The following GCNT2 variants were observed in gnomAD, a reference collection of about 807,000 sequenced individuals.
The protein encoded by GCNT2 is N-acetyllactosaminide beta-1,6-N-acetylglucosaminyl-transferase.
In GCNT2, 34 loss-of-function variants were observed where a neutral mutation model predicts 34.2. The observed-to-expected ratio is 1.00, with a 90% CI of 0.76 to 1.32. The LOEUF is 1.32. Among genes scored for constraint, GCNT2 ranks in the 40% most tolerant of loss-of-function variants. The pLI, the probability that GCNT2 is intolerant of heterozygous loss-of-function variation, is 0.00. For synonymous variants in GCNT2, 212 were observed against 188.0 expected (o/e 1.13, Z -1.04); for missense variants, 584 against 489.4 (o/e 1.19, Z -1.82).
At chr6:10,556,310 A>G in intron 3 of GCNT2, 2 of 1,559,734 alleles carry the variant, frequency 1.3e-6, no homozygotes, top group Non-Finnish European at 1.7e-6. Context: ...CGTCTCCAAC[A>G]GGGCAGGAGT....
chr6:10,547,085 T>C (rs1216226304), intron 3 of GCNT2, among the ~76,000 whole-genome samples: 2 of 152,196 alleles, frequency 1.3e-5, no homozygotes, highest in African/African-American at 4.8e-5. Flanking sequence ...AAGAATAGTA[T>C]AAAGAGCTCC....
At chr6:10,527,920 A>G (rs1390678153) in intron 2 of GCNT2, among the ~76,000 whole-genome samples, 1 of 152,140 alleles carries the variant, frequency 6.6e-6, no homozygotes, top group Non-Finnish European at 1.5e-5. Context: ...TGGACATAAG[A>G]GCCTCTCTCC....
At chr6:10,525,810 C>T (rs1024005893) in intron 1 of GCNT2, among the ~76,000 whole-genome samples, 1 of 152,092 alleles carries the variant, frequency 6.6e-6, no homozygotes, top group Admixed American at 6.5e-5. Context: ...TGTTCGTTAC[C>T]CTGCAACTAA....
intron 3 of GCNT2, among the ~76,000 whole-genome samples, chr6:10,575,892 CTG>C (rs1366658475): frequency 6.6e-6 from 1 of 151,990 alleles, no homozygotes; most frequent in Non-Finnish European, 1.5e-5. Flanking sequence ...CCCCCTTTGA[CTG>C]TAATTTTCCT....
intron 3 of GCNT2, chr6:10,556,042 G>A: frequency 8.7e-7 from 1 of 1,145,144 alleles, no homozygotes; most frequent in East Asian, 6.8e-5. Flanking sequence ...TAACCAGGGG[G>A]CGGGGGTGGC....
rs886667367 is a variant in GCNT2, at chr6:10,550,734, G to A, written c.925+20898G>A. 9.9e-5 allele frequency among the ~76,000 whole-genome samples: 15 copies of A among 151,918 alleles called. 1 individual carries two copies. The highest frequency in any genetic ancestry group is 2.1e-4 in the South Asian group (1 of 4,814). ...CTGGGCTCAAGTAATCCTCTCCCTC[G>A]GCCTCCCAAAAGTGCTGGGATTGTA... On this transcript the variant is annotated intron_variant, in intron 3 of 4. Transcript: ENST00000495262.
chr6:10,542,123 G>A (rs889754424), intron 3 of GCNT2, among the ~76,000 whole-genome samples: 1 of 152,098 alleles, frequency 6.6e-6, no homozygotes, highest in Non-Finnish European at 1.5e-5. Flanking sequence ...GACCTGCAAT[G>A]TAAAATTTAA....
At chr6:10,551,819 G>A (rs548792143) in intron 3 of GCNT2, among the ~76,000 whole-genome samples, 13 of 151,706 alleles carry the variant, frequency 8.6e-5, no homozygotes, top group African/African-American at 2.4e-4. Flanking sequence ...GTGCAGTGGC[G>A]CCACCTCGGC....
At chr6:10,525,138 A>G (rs1016155771) in intron 1 of GCNT2, among the ~76,000 whole-genome samples, 1 of 152,170 alleles carries the variant, frequency 6.6e-6, no homozygotes, top group Non-Finnish European at 1.5e-5. Flanking sequence ...CTCTTTCTAC[A>G]GTCAGTTATT....
chr6:10,577,231 G>A (rs1242710414), intron 3 of GCNT2, among the ~76,000 whole-genome samples: 2 of 152,384 alleles, frequency 1.3e-5, no homozygotes, highest in Admixed American at 1.3e-4. Flanking sequence ...GGGGGCTGCT[G>A]TGCAGTGTGA....
intron 3 of GCNT2, among the ~76,000 whole-genome samples, chr6:10,580,725 G>A (rs1316597012): frequency 6.6e-6 from 1 of 152,174 alleles, no homozygotes; most frequent in Non-Finnish European, 1.5e-5. Context: ...CCCCTGACCG[G>A]CATCTGCCTC....
intron 3 of GCNT2, among the ~76,000 whole-genome samples, chr6:10,603,661 G>A (rs1315388810): frequency 2.7e-5 from 4 of 150,450 alleles, no homozygotes; most frequent in African/African-American, 7.3e-5. Flanking sequence ...GACTGCAGGC[G>A]CCTGCCACCA....
chr6:10,572,666 G>A (rs1436212944), intron 3 of GCNT2, among the ~76,000 whole-genome samples: 1 of 152,070 alleles, frequency 6.6e-6, no homozygotes, highest in African/African-American at 2.4e-5. Context: ...CCCAGGAGGC[G>A]GAGCTTGCAG....
At chr6:10,539,091 A>C (rs1428140788) in intron 3 of GCNT2, among the ~76,000 whole-genome samples, 2 of 150,406 alleles carry the variant, frequency 1.3e-5, no homozygotes, top group South Asian at 2.1e-4. Flanking sequence ...TTTACTCTCT[A>C]TTAGAGTTGG....
At chr6:10,566,901 T>G (rs1024458750) in intron 3 of GCNT2, among the ~76,000 whole-genome samples, 3 of 152,244 alleles carry the variant, frequency 2.0e-5, no homozygotes, top group African/African-American at 7.2e-5. Flanking sequence ...CTGCTCATTC[T>G]CTTGATGGAG....
intron 3 of GCNT2, among the ~76,000 whole-genome samples, chr6:10,606,980 T>A (rs1451605349): frequency 3.9e-5 from 6 of 152,078 alleles, no homozygotes; most frequent in Non-Finnish European, 2.9e-5. Flanking sequence ...AGAGTCTCAC[T>A]CTGTCACCCA....
intron 1 of GCNT2, among the ~76,000 whole-genome samples, chr6:10,526,095 TAG>T (rs1761170714): frequency 6.6e-6 from 1 of 152,224 alleles, no homozygotes; most frequent in Non-Finnish European, 1.5e-5. Flanking sequence ...AACTAAAAAT[TAG>T]AGAAATTTTA....
At chr6:10,595,611 A>G (rs1213750020) in intron 3 of GCNT2, among the ~76,000 whole-genome samples, 1 of 152,106 alleles carries the variant, frequency 6.6e-6, no homozygotes, top group Non-Finnish European at 1.5e-5. Flanking sequence ...AAGCCGTACC[A>G]TGTTCCAGAA....
chr6:10,555,241 C>A (rs1762642658), intron 3 of GCNT2, among the ~76,000 whole-genome samples: 1 of 151,966 alleles, frequency 6.6e-6, no homozygotes, highest in Non-Finnish European at 1.5e-5. Flanking sequence ...TAAGAGGATA[C>A]CAAATAAAAT....
Sources: allele counts gnomAD v4.1 joint callset (sites outside exome capture counted in the v4.1 genomes callset), GRCh38; gene constraint gnomAD v4.1.1; transcripts MANE v1.5; gene names NCBI Gene and HGNC (gene_info 2026-07-23, HGNC 2026-07-21).